PRRX2: variants seen among roughly 807,000 people sequenced by gnomAD.
The protein encoded by PRRX2 is paired related homeobox 2, also known as paired mesoderm homeobox protein 2.
In PRRX2, 11 loss-of-function variants were observed where a neutral mutation model predicts 18.0. That is an observed-to-expected ratio of 0.61 (90% confidence interval 0.39 to 1.01). The LOEUF (loss-of-function observed/expected upper bound fraction) is 1.01. PRRX2 is among the 50% of genes least tolerant of loss of function. The pLI is 0.01. For missense variants in PRRX2, 387 were observed against 351.0 expected, an observed-to-expected ratio of 1.10 and a Z score of -0.82; for synonymous variants, 177 against 154.8, an observed-to-expected ratio of 1.14 and a Z score of -1.06.
chr9:129,674,447 A>G (rs1171121792), intron 1 of PRRX2, among the ~76,000 whole-genome samples: 1 of 152,078 alleles, frequency 6.6e-6, no homozygotes, highest in African/African-American at 2.4e-5. Context: ...AGTGGGGGCA[A>G]CGGGTGATGG....
chr9:129,710,738 C>G (rs1293588722), intron 1 of PRRX2, among the ~76,000 whole-genome samples: 1 of 152,022 alleles, frequency 6.6e-6, no homozygotes, highest in Non-Finnish European at 1.5e-5. Flanking sequence ...TCTCAAAAAA[C>G]AAAACAAAAC....
chr9:129,717,707 A>AAG, intron 1 of PRRX2, among the ~76,000 whole-genome samples: 1 of 151,588 alleles, frequency 6.6e-6, no homozygotes, highest in Non-Finnish European at 1.5e-5. Context: ...AAAAAAAAAA[A>AAG]AAAAAAAGAA....
chr9:129,669,466 G>T (rs1041964710), intron 1 of PRRX2, among the ~76,000 whole-genome samples: 1 of 152,254 alleles, frequency 6.6e-6, no homozygotes, highest in African/African-American at 2.4e-5. Context: ...TGGAAACGGG[G>T]ACGTGGACAC....
At chr9:129,676,712 G>A (rs949793723) in intron 1 of PRRX2, among the ~76,000 whole-genome samples, 2 of 152,182 alleles carry the variant, frequency 1.3e-5, no homozygotes, top group African/African-American at 4.8e-5. Flanking sequence ...CTAACCCTGC[G>A]GGCTTGGAAG....
At chr9:129,677,820 G>C (rs1238558926) in intron 1 of PRRX2, among the ~76,000 whole-genome samples, 15 of 152,146 alleles carry the variant, frequency 9.9e-5, no homozygotes, top group Admixed American at 9.8e-4. Context: ...AAGTAAAAAC[G>C]GACTACTCTG....
At chr9:129,668,658 T>C (rs1412738525) in intron 1 of PRRX2, among the ~76,000 whole-genome samples, 2 of 151,132 alleles carry the variant, frequency 1.3e-5, no homozygotes, top group Non-Finnish European at 2.9e-5. Context: ...ATGCCTGTAA[T>C]CTCAGCTACT....
In PRRX2 at chr9:129,675,173, G is replaced by A. The variant is rs1218211729; in HGVS notation, c.259+9047G>A. On this transcript the variant is annotated intron_variant, in intron 1 of 3. Coordinates refer to ENST00000372469, the MANE Select transcript of PRRX2 (RefSeq NM_016307.4). This position sits in a 1 kb window ranked among gnomAD's most constrained non-coding sequence, Gnocchi z 4.4. ...AAGTGTCCAGTATACAGGAGAGGGA[G>A]GGGGCTGCGCTGAGGCTAAGCCCCA... is the stretch of plus-strand genomic sequence containing the variant. Among the ~76,000 whole-genome samples the A allele has an allele frequency of 2.0e-5, 3 of 152,178 alleles. No homozygotes were observed. Among genetic ancestry groups the A allele is most frequent in the African/African-American group, 7.2e-5 (3 of 41,446 alleles).
chr9:129,671,961 C>T lies in PRRX2; in HGVS notation c.259+5835C>T, dbSNP rs1162818492. On this transcript the variant is annotated intron_variant, in intron 1 of 3. Coordinates refer to ENST00000372469, the MANE Select transcript of PRRX2 (RefSeq NM_016307.4). The surrounding 1 kb of genome is among the most constrained non-coding windows in gnomAD (Gnocchi z 4.0). The stretch of plus-strand genomic sequence containing the variant: ...AGCGGGTGGGAGGGGAGGGGCAGCA[C>T]GGAACGGGCTCTGTGCCTATGTTAG... Among the ~76,000 whole-genome samples, 2 of 151,968 alleles carry T rather than the reference C, an allele frequency of 1.3e-5. No homozygotes were observed. The highest frequency in any genetic ancestry group is 2.4e-5 in the African/African-American group (1 of 41,330).
At position 129,722,427 on chromosome 9, in the gene PRRX2, G is replaced by A; in HGVS notation, c.*75G>A. On this transcript the variant is annotated 3_prime_UTR_variant, in exon 4 of 4. Coordinates refer to ENST00000372469, the MANE Select transcript of PRRX2 (RefSeq NM_016307.4). ...AAAAGGGGGCAGACGCCCAGGAAGT[G>A]ACCTTCTCCTGGATGAGCTCTCCTG... The A allele has an allele frequency of 6.5e-7, 1 of 1,545,984 alleles. No individual in the cohort carries two copies. Among genetic ancestry groups the A allele is most frequent in the Non-Finnish European group, 8.8e-7 (1 of 1,142,290 alleles).
chr9:129,684,520 A>ACC (rs1564147475), intron 1 of PRRX2, among the ~76,000 whole-genome samples: 2 of 41,298 alleles, frequency 4.8e-5, no homozygotes, highest in East Asian at 1.0e-3. Context: ...ACACACACAC[A>ACC]CACCCACACA....
intron 1 of PRRX2, among the ~76,000 whole-genome samples, chr9:129,690,504 CTTTT>C (rs34070492): frequency 1.5e-5 from 2 of 130,974 alleles, no homozygotes; most frequent in African/African-American, 2.9e-5. Flanking sequence ...GGTGCCAGCT[CTTTT>C]TTTTTTTTTT....
intron 1 of PRRX2, among the ~76,000 whole-genome samples, chr9:129,684,522 ACCCACACACACC>A (rs1832278999): frequency 5.0e-5 from 2 of 39,642 alleles, no homozygotes; most frequent in Admixed American, 2.0e-4. Flanking sequence ...ACACACACAC[ACCCACACACACC>A]CCAACAGAAA....
intron 3 of PRRX2, among the ~76,000 whole-genome samples, chr9:129,721,189 G>A (rs1301493324): frequency 6.6e-6 from 1 of 152,188 alleles, no homozygotes; most frequent in Non-Finnish European, 1.5e-5. Context: ...CCTGCAGGAA[G>A]ATTCCTAGGC....
rs1832014799 is a variant in PRRX2 at position 129,665,975 on chromosome 9, G to T, written c.108G>T (p.Lys36Asn). The T allele has an allele frequency of 8.8e-7, 1 of 1,141,696 alleles. No individual in the cohort carries two copies. The highest frequency in any genetic ancestry group is 2.2e-5 in the South Asian group (1 of 44,990). 70.7% of individuals were successfully genotyped at this position (1,141,696 alleles called of 1,614,324 possible). ...LGPGDCAQARKNFSVSHLLDL... is the reference protein window; with the variant it reads ...LGPGDCAQARNNFSVSHLLDL... ...CCGGCGACTGCGCCCAGGCGCGCAA[G>T]AACTTCTCGGTGAGCCACCTCCTGG... The change falls in exon 1 of 4, where the codon AAG becomes AAT. Residue 36 changes from lysine (K) to asparagine (N), a missense_variant. By Grantham distance (94) the Lys-to-Asn change is moderately conservative. Transcript: ENST00000372469. The surrounding 1 kb of genome is among the most constrained non-coding windows in gnomAD (Gnocchi z 5.3).
At chr9:129,686,859 G>A (rs1832305722) in intron 1 of PRRX2, among the ~76,000 whole-genome samples, 1 of 152,184 alleles carries the variant, frequency 6.6e-6, no homozygotes, top group African/African-American at 2.4e-5. Context: ...TTTTTTCGGG[G>A]GAGGGCCTTG....
At chr9:129,682,488 C>T (rs1832245507) in intron 1 of PRRX2, among the ~76,000 whole-genome samples, 1 of 152,050 alleles carries the variant, frequency 6.6e-6, no homozygotes, top group South Asian at 2.1e-4. Flanking sequence ...CCCACACTAG[C>T]TCCATATTAA....
intron 1 of PRRX2, among the ~76,000 whole-genome samples, chr9:129,674,189 G>A (rs1462421392): frequency 6.6e-6 from 1 of 152,164 alleles, no homozygotes; most frequent in Non-Finnish European, 1.5e-5. Flanking sequence ...CAGCTGCCCT[G>A]CTCTGTGTCC....
At chr9:129,672,882 GTTCATTCA>G (rs3054758) in intron 1 of PRRX2, among the ~76,000 whole-genome samples, 84,613 of 149,972 alleles carry the variant, frequency 0.56, 23,961 homozygotes, top group South Asian at 0.61. Context: ...TCCCGCACTT[GTTCATTCA>G]TTCATTCATT....
chr9:129,674,931 C>A (rs1010681376), intron 1 of PRRX2, among the ~76,000 whole-genome samples: 1 of 152,270 alleles, frequency 6.6e-6, no homozygotes, highest in East Asian at 1.9e-4. Flanking sequence ...CCTGACCCAC[C>A]GGATCGGACT....
Sources: allele counts gnomAD v4.1 joint callset (sites outside exome capture counted in the v4.1 genomes callset), GRCh38; gene constraint gnomAD v4.1.1; non-coding constraint Gnocchi (gnomAD v3.1); transcripts MANE v1.5; gene names NCBI Gene and HGNC (gene_info 2026-07-23, HGNC 2026-07-21).